CHDH: variants seen among roughly 807,000 people sequenced by gnomAD.
The protein encoded by CHDH is choline dehydrogenase, also known as choline dehydrogenase, mitochondrial.
In CHDH, 43 loss-of-function variants were observed where a neutral mutation model predicts 56.9. The ratio of observed to expected loss-of-function variants is 0.76; its 90% confidence interval spans 0.59 to 0.97. The LOEUF is 0.97. CHDH is among the 50% of genes least tolerant of loss of function. The probability of loss-of-function intolerance (pLI) is 0.00; values close to 1 mark genes in which losing one functional copy is unlikely to be tolerated. For missense variants in CHDH, 816 were observed against 821.1 expected, an observed-to-expected ratio of 0.99 and a Z score of 0.08; for synonymous variants, 364 against 348.5, an observed-to-expected ratio of 1.04 and a Z score of -0.50.
At chr3:53,837,256 C>T (rs973524098) in intron 2 of CHDH, among the ~76,000 whole-genome samples, 1 of 152,182 alleles carries the variant, frequency 6.6e-6, no homozygotes. Context: ...GGAATCTCAT[C>T]TCCCACATAT....
At chr3:53,822,903 G>C (rs1295030610) in intron 3 of CHDH, among the ~76,000 whole-genome samples, 1 of 152,268 alleles carries the variant, frequency 6.6e-6, no homozygotes, top group African/African-American at 2.4e-5. Context: ...CAGCCAGAGG[G>C]GTGAGAGCCT....
chr3:53,820,703 C>T (rs2095624644), intron 5 of CHDH, 95 bp from the exon 6 acceptor site: 1 of 1,467,604 alleles, frequency 6.8e-7, no homozygotes, highest in Admixed American at 2.0e-5. Flanking sequence ...TTCCTATTCC[C>T]TTATCTTCTG....
intron 8 of CHDH, 30 bp from the exon 9 acceptor site, chr3:53,818,225 C>T (rs1686663621): frequency 6.4e-7 from 1 of 1,553,536 alleles, no homozygotes; most frequent in Middle Eastern, 1.7e-4. Flanking sequence ...GGTGAGGACC[C>T]CTCCTTTTGC....
rs772448470 is a variant in CHDH, at chr3:53,818,043, C to T, written c.1519G>A (p.Asp507Asn). Residue 507 changes from aspartate (D) to asparagine (N), a missense_variant, in exon 9 of 9, where the codon GAC becomes AAC. Asp to Asn is a conservative substitution (Grantham distance 23). Coordinates refer to ENST00000315251, the MANE Select transcript of CHDH (RefSeq NM_018397.5). ...EIDAFVRAKA[D>N]SAYHPSCTCK... is the part of the protein sequence containing the mutation. Reference sequence around the variant, plus strand: ...GTGCACGAGGGGTGGTAGGCGCTGTCGGCTTTTGCCCGCACAAAGGCATCT... The same window carrying T: ...GTGCACGAGGGGTGGTAGGCGCTGTTGGCTTTTGCCCGCACAAAGGCATCT... 3.7e-5 allele frequency: 59 copies of T among 1,614,090 alleles called. No individual in the cohort carries two copies. The highest frequency in any genetic ancestry group is 1.1e-4 in the East Asian group (5 of 44,900).
intron 2 of CHDH, among the ~76,000 whole-genome samples, chr3:53,832,494 T>C (rs1377925877): frequency 6.6e-6 from 1 of 151,996 alleles, no homozygotes; most frequent in Non-Finnish European, 1.5e-5. Context: ...ATCGTACCAC[T>C]GCACTCCAGC....
chr3:53,845,225 G>T (rs911488833), intron 1 of CHDH, among the ~76,000 whole-genome samples: 1 of 152,180 alleles, frequency 6.6e-6, no homozygotes, highest in African/African-American at 2.4e-5. Flanking sequence ...AACTCCACAC[G>T]TATGCATGCC....
At chr3:53,835,995 A>G (rs1256096415) in intron 2 of CHDH, among the ~76,000 whole-genome samples, 1 of 152,196 alleles carries the variant, frequency 6.6e-6, no homozygotes, top group Non-Finnish European at 1.5e-5. Context: ...AAAAAGGTGC[A>G]AGACACCAAG....
chr3:53,820,344 G>T, intron 6 of CHDH, 130 bp downstream of exon 6: 1 of 1,114,808 alleles, frequency 9.0e-7, no homozygotes, highest in Non-Finnish European at 1.3e-6. Flanking sequence ...AAAAACTGAG[G>T]CTCAGGGCTA....
At chr3:53,833,015 A>G (rs1309521849) in intron 2 of CHDH, among the ~76,000 whole-genome samples, 3 of 152,238 alleles carry the variant, frequency 2.0e-5, no homozygotes, top group Non-Finnish European at 4.4e-5. Context: ...ACTTGAGGGT[A>G]GTAGTAACCT....
rs1559741092 is a variant in CHDH, at chr3:53,813,695, A to C, written c.*4082T>G. 1.3e-5 allele frequency: 2 copies of C among 152,090 alleles called. No individual in the cohort carries two copies. The highest frequency in any genetic ancestry group is 2.9e-5 in the Non-Finnish European group (2 of 68,022). The allele number at this position is 152,090 out of a possible 1,614,324, so 9.4% of individuals were successfully genotyped here. A position where few individuals can be genotyped will look rare whatever the true frequency, so the allele number is the denominator to read the frequency against. Reference sequence around the variant, plus strand: ...GTATGTCTGCTTTAAGCCTGGTTCAACCTCTCATCGAATATTAAATTTTTC... The same window carrying C: ...GTATGTCTGCTTTAAGCCTGGTTCACCCTCTCATCGAATATTAAATTTTTC... On this transcript the variant is annotated 3_prime_UTR_variant, in exon 9 of 9. Transcript: ENST00000315251.
rs984659273 is a variant in CHDH, at chr3:53,816,616, G to T, written c.*1161C>A. 2.0e-5 allele frequency: 3 copies of T among 152,142 alleles called. No individual in the cohort carries two copies. Among genetic ancestry groups the T allele is most frequent in the African/African-American group, 7.2e-5 (3 of 41,412 alleles). The allele number at this position is 152,142 out of a possible 1,614,324, so 9.4% of individuals were successfully genotyped here. On this transcript the variant is annotated 3_prime_UTR_variant, in exon 9 of 9. Transcript: ENST00000315251. The stretch of plus-strand genomic sequence containing the variant: ...CTTGTCCACTGCTGGGATGGCTCAG[G>T]CTGCCAAGTCATTTCCCAAGACCAG...
intron 2 of CHDH, among the ~76,000 whole-genome samples, chr3:53,831,162 T>C (rs1352754735): frequency 2.6e-5 from 4 of 152,164 alleles, no homozygotes; most frequent in African/African-American, 9.7e-5. Flanking sequence ...GTGGTCGCCA[T>C]GGTGTGAGGC....
At position 53,816,555 on chromosome 3, in the gene CHDH, T is replaced by C. The variant is rs1415283366; in HGVS notation, c.*1222A>G. The C allele has an allele frequency of 6.6e-6, 1 of 152,210 alleles. No homozygotes were observed. The highest frequency in any genetic ancestry group is 1.5e-5 in the Non-Finnish European group (1 of 68,056). The allele number at this position is 152,210 out of a possible 1,614,324, so 9.4% of individuals were successfully genotyped here. ...TAACTGTGTTTTCCATCCTAGTCTGTTCCTGTGGACGTCTACAGAATAAGA... is the reference window on the plus strand; with the variant it reads ...TAACTGTGTTTTCCATCCTAGTCTGCTCCTGTGGACGTCTACAGAATAAGA... On this transcript the variant is annotated 3_prime_UTR_variant, in exon 9 of 9. Coordinates refer to ENST00000315251, the MANE Select transcript of CHDH (RefSeq NM_018397.5).
intron 2 of CHDH, among the ~76,000 whole-genome samples, chr3:53,839,771 T>C (rs1240164495): frequency 2.0e-5 from 3 of 152,258 alleles, no homozygotes; most frequent in Non-Finnish European, 2.9e-5. Flanking sequence ...TCATGTTTAC[T>C]GCAGCACTAT....
chr3:53,820,942 C>T (rs1460242822), intron 5 of CHDH, among the ~76,000 whole-genome samples: 1 of 152,266 alleles, frequency 6.6e-6, no homozygotes, highest in Non-Finnish European at 1.5e-5. Flanking sequence ...TGAGCGGTTG[C>T]TGGATGGTGA....
rs569334618 is a variant in CHDH, at chr3:53,819,709, G to A, written c.1121-35C>T. The A allele has an allele frequency of 3.9e-6, 6 of 1,537,640 alleles. No homozygotes were observed. In the East Asian group the frequency reaches 1.2e-4, roughly 30 times the overall value. Reference sequence around the variant, plus strand: ...AGAAGAGGATGAGGCAGAAGAGCCAGTCAGGCCGTGGCAGGTGGGCCGGCT... The same window carrying A: ...AGAAGAGGATGAGGCAGAAGAGCCAATCAGGCCGTGGCAGGTGGGCCGGCT... On this transcript the variant is annotated intron_variant, in intron 6 of 8. Coordinates refer to ENST00000315251, the MANE Select transcript of CHDH (RefSeq NM_018397.5). The surrounding 1 kb of genome is among the most constrained non-coding windows in gnomAD (Gnocchi z 5.4).
rs551969227 is a variant in CHDH at position 53,814,199 on chromosome 3, T to C, written c.*3578A>G. On this transcript the variant is annotated 3_prime_UTR_variant, in exon 9 of 9. Transcript: ENST00000315251. ...AAAACTGGAGCAGTTTCACCTTGTGTACTTCTCAGCATCGTAAGTGTCTTT... is the reference window on the plus strand; with the variant it reads ...AAAACTGGAGCAGTTTCACCTTGTGCACTTCTCAGCATCGTAAGTGTCTTT... 6 of 152,328 alleles carry C rather than the reference T, an allele frequency of 3.9e-5. No individual in the cohort carries two copies. The highest frequency in any genetic ancestry group is 1.4e-4 in the African/African-American group (6 of 41,572). 9.4% of individuals were successfully genotyped at this position (152,328 alleles called of 1,614,324 possible).
At chr3:53,845,443 C>G (rs1698834250) in intron 1 of CHDH, among the ~76,000 whole-genome samples, 1 of 152,246 alleles carries the variant, frequency 6.6e-6, no homozygotes, top group Non-Finnish European at 1.5e-5. Context: ...ATTCTGCCTA[C>G]AAGTTTAAAT....
At chr3:53,837,433 C>T (rs1028935791) in intron 2 of CHDH, among the ~76,000 whole-genome samples, 3 of 152,238 alleles carry the variant, frequency 2.0e-5, no homozygotes, top group African/African-American at 7.2e-5. Context: ...TGGGCTGAGG[C>T]TACAGGCTGC....
Sources: allele counts gnomAD v4.1 joint callset (sites outside exome capture counted in the v4.1 genomes callset), GRCh38; gene constraint gnomAD v4.1.1; non-coding constraint Gnocchi (gnomAD v3.1); transcripts MANE v1.5; gene names NCBI Gene and HGNC (gene_info 2026-07-23, HGNC 2026-07-21).